Variants in TNC observed in about 807,000 individuals in gnomAD.
TNC encodes tenascin.
TNC carries 109 observed loss-of-function variants against 202.4 expected under a neutral mutation model. That is an observed-to-expected ratio of 0.54 (90% CI 0.46 to 0.63). The LOEUF (loss-of-function observed/expected upper bound fraction) is 0.63, where lower values mean the gene tolerates loss of function less well. Among genes scored for constraint, TNC ranks in the 30% least tolerant of loss-of-function variants. The pLI is 0.00. For missense variants in TNC, 2,756 were observed against 2,833.3 expected, an observed-to-expected ratio of 0.97 and a Z score of 0.62; for synonymous variants, 1,007 against 1,089.7, an observed-to-expected ratio of 0.92 and a Z score of 1.50.
At chr9:115,110,853 C>G (rs986769995) in intron 1 of TNC, among the ~76,000 whole-genome samples, 17 of 150,718 alleles carry the variant, frequency 1.1e-4, no homozygotes, top group Admixed American at 1.1e-3. Flanking sequence ...TAAATAAAAA[C>G]TAGTCCACTT....
At chr9:115,051,074 C>T (rs575606883) in intron 15 of TNC, among the ~76,000 whole-genome samples, 1 of 152,246 alleles carries the variant, frequency 6.6e-6, no homozygotes, top group East Asian at 1.9e-4. Flanking sequence ...AAAATTATCA[C>T]TAATGAAAAG....
intron 10 of TNC, among the ~76,000 whole-genome samples, chr9:115,073,080 C>T (rs1210786607): frequency 6.6e-6 from 1 of 152,064 alleles, no homozygotes; most frequent in Non-Finnish European, 1.5e-5. Context: ...GAGAGGGCAC[C>T]ATGGAAGTCT....
At position 115,093,227 on chromosome 9, in the gene TNC, C is replaced by G. The variant is rs148412086; in HGVS notation, c.-136-2073G>C. ...CACTAGTGAATTTAACTAAGAAGGT[C>G]GTATCCACATACCTACCACATTCTA... On this transcript the variant is annotated intron_variant, in intron 1 of 27. Coordinates refer to ENST00000350763, the MANE Select transcript of TNC (RefSeq NM_002160.4). Among the ~76,000 whole-genome samples, 326 of 152,214 alleles carry G rather than the reference C, an allele frequency of 2.1e-3. 1 individual carries two copies. The highest frequency in any genetic ancestry group is 6.8e-3 in the Middle Eastern group (2 of 294).
intron 10 of TNC, among the ~76,000 whole-genome samples, chr9:115,068,708 A>G (rs901039476): frequency 6.6e-6 from 1 of 152,242 alleles, no homozygotes; most frequent in African/African-American, 2.4e-5. Flanking sequence ...GCAGGACTGT[A>G]TAGCTTGCAG....
intron 1 of TNC, among the ~76,000 whole-genome samples, chr9:115,113,699 C>T (rs1224115090): frequency 1.3e-5 from 2 of 152,176 alleles, no homozygotes; most frequent in African/African-American, 4.8e-5. Context: ...GACCTATGAA[C>T]TTCAGGAAAC....
At chr9:115,043,875 T>A (rs754820227) in intron 17 of TNC, among the ~76,000 whole-genome samples, 2 of 152,204 alleles carry the variant, frequency 1.3e-5, no homozygotes, top group Admixed American at 6.5e-5. Context: ...AGTAGGTGTA[T>A]CTTATGGCCA....
At chr9:115,071,677 GA>G (rs1481387493) in intron 10 of TNC, among the ~76,000 whole-genome samples, 4 of 152,088 alleles carry the variant, frequency 2.6e-5, no homozygotes, top group Non-Finnish European at 5.9e-5. Flanking sequence ...AAACTCAAGG[GA>G]AAGCTAAGGG....
chr9:115,050,065 C>T (rs1264264131), intron 15 of TNC, among the ~76,000 whole-genome samples: 1 of 152,114 alleles, frequency 6.6e-6, no homozygotes, highest in Non-Finnish European at 1.5e-5. Context: ...AAACAATCTT[C>T]ATCTGAGAGA....
intron 17 of TNC, 51 bp downstream of exon 17, chr9:115,046,359 A>G: frequency 1.9e-6 from 3 of 1,593,608 alleles, no homozygotes; most frequent in Non-Finnish European, 2.6e-6. Context: ...TGTGAGAAGA[A>G]GACCCCTGAG....
At chr9:115,083,244 G>A (rs960221509) in intron 4 of TNC, among the ~76,000 whole-genome samples, 1 of 152,068 alleles carries the variant, frequency 6.6e-6, no homozygotes, top group African/African-American at 2.4e-5. Context: ...GGCCTGGTTC[G>A]TGGCATGCAG....
intron 15 of TNC, 112 bp from the exon 16 acceptor site, chr9:115,048,644 TTATATGC>T: frequency 1.8e-6 from 2 of 1,110,378 alleles, no homozygotes; most frequent in Non-Finnish European, 2.5e-6. Flanking sequence ...TCAATTTGTG[TTATATGC>T]TTAGAAAATG....
At chr9:115,049,162 A>G (rs1185170818) in intron 15 of TNC, among the ~76,000 whole-genome samples, 1 of 152,106 alleles carries the variant, frequency 6.6e-6, no homozygotes, top group Non-Finnish European at 1.5e-5. Flanking sequence ...ATTTTCCTGG[A>G]TAAAGTTAGA....
Position 115,063,135 on chromosome 9 carries a change from A to C in TNC, c.3815T>G (p.Leu1272Arg), listed in dbSNP as rs770331661. Residue 1272 changes from leucine (L) to arginine (R), a missense_variant, in exon 13 of 28, where the codon CTC becomes CGC. Transcript: ENST00000350763. Reference sequence around the variant, plus strand: ...ATCTGGCGTGGTCCAGTTCAGTCTGAGAGCATCCCAGCTAACCTCGGTCAC... The same window carrying C: ...ATCTGGCGTGGTCCAGTTCAGTCTGCGAGCATCCCAGCTAACCTCGGTCAC... ...LTVTEVSWDA[L>R]RLNWTTPDGT... 2 of 1,614,090 alleles carry C rather than the reference A, an allele frequency of 1.2e-6. No homozygotes were observed. Among genetic ancestry groups the C allele is most frequent in the African/African-American group, 2.7e-5 (2 of 74,922 alleles).
rs1203217120 is a variant in TNC at position 115,087,702 on chromosome 9, T to TCTTTTC, written c.458-430_458-429insGAAAAG. Among the ~76,000 whole-genome samples the TCTTTTC allele has an allele frequency of 2.4e-5, 3 of 127,378 alleles. No homozygotes were observed. In the East Asian group the frequency reaches 7.0e-4, roughly 30 times the overall value. 83.6% of individuals were successfully genotyped at this position (127,378 alleles called of 152,430 possible). ...ATGTTACTATTTCTTTCTTTTCTTT[T>TCTTTTC]TTTTTTTTTTTTTTTTTGAGACAGA... On this transcript the variant is annotated intron_variant, in intron 2 of 27. Coordinates refer to ENST00000350763, the MANE Select transcript of TNC (RefSeq NM_002160.4).
chr9:115,077,491 C>G (rs1288294484), intron 7 of TNC, among the ~76,000 whole-genome samples: 1 of 152,224 alleles, frequency 6.6e-6, no homozygotes, highest in Non-Finnish European at 1.5e-5. Flanking sequence ...CGCCCGGCCT[C>G]CTCATCATAT....
chr9:115,030,521 T>C, intron 23 of TNC, 116 bp from the exon 24 acceptor site: 2 of 1,192,864 alleles, frequency 1.7e-6, no homozygotes, highest in Non-Finnish European at 2.3e-6. Flanking sequence ...TGCAATAATG[T>C]GATGCAAACA....
rs763864814 is a variant in TNC at position 115,038,392 on chromosome 9, G to A, written c.5393-12C>T. On this transcript the variant is annotated splice_polypyrimidine_tract_variant and intron_variant, in intron 19 of 27. Transcript: ENST00000350763. The stretch of plus-strand genomic sequence containing the variant: ...TGGGCCATCCAGAGCTGCAAAGAAA[G>A]ATGGTGGACAGGAGGGAAGTCATTG... 4 of 1,613,364 alleles carry A rather than the reference G, an allele frequency of 2.5e-6. No individual in the cohort carries two copies. The East Asian group carries it at 6.7e-5, about 27-fold the overall frequency.
chr9:115,104,550 G>A (rs184558045), intron 1 of TNC, among the ~76,000 whole-genome samples: 4 of 152,160 alleles, frequency 2.6e-5, no homozygotes, highest in African/African-American at 4.8e-5. Context: ...CTTGGACAAC[G>A]TCCTATACCT....
intron 10 of TNC, among the ~76,000 whole-genome samples, chr9:115,072,986 T>C (rs1188190357): frequency 2.0e-5 from 3 of 152,026 alleles, no homozygotes; most frequent in African/African-American, 7.2e-5. Flanking sequence ...TGGACACAAG[T>C]TGCATGGGCC....
Sources: allele counts gnomAD v4.1 joint callset (sites outside exome capture counted in the v4.1 genomes callset), GRCh38; gene constraint gnomAD v4.1.1; transcripts MANE v1.5; gene names NCBI Gene and HGNC (gene_info 2026-07-23, HGNC 2026-07-21).